Variants in DLGAP2 observed in about 807,000 individuals in gnomAD.
The protein encoded by DLGAP2 is DLG associated protein 2, also known as disks large-associated protein 2.
DLGAP2 carries 26 observed loss-of-function variants against 100.3 expected under a neutral mutation model. That is an observed-to-expected ratio of 0.26 (90% CI 0.19 to 0.36). DLGAP2 has a LOEUF of 0.36. Among genes scored for constraint, DLGAP2 ranks in the 10% least tolerant of loss-of-function variants. The pLI is 1.00. For missense variants in DLGAP2, 1,858 were observed against 1,453.2 expected (o/e 1.28, Z -4.53); for synonymous variants, 886 against 630.1 (o/e 1.41, Z -6.08).
chr8:1,172,345 T>G (rs1015397766), intron 2 of DLGAP2, among the ~76,000 whole-genome samples: 29 of 151,954 alleles, frequency 1.9e-4, no homozygotes, highest in African/African-American at 7.0e-4. Flanking sequence ...CTTTGGTGAA[T>G]CTGACCATTA....
chr8:1,058,935 C>G (rs143839789), intron 2 of DLGAP2, among the ~76,000 whole-genome samples: 75 of 152,320 alleles, frequency 4.9e-4, no homozygotes, highest in African/African-American at 1.6e-3. Context: ...GTGTTAGAAG[C>G]TTGAGGTGGA....
Position 1,668,359 on chromosome 8 carries a change from C to T in DLGAP2, c.1841C>T (p.Pro614Leu). 6.5e-7 allele frequency: 1 copy of T among 1,540,464 alleles called. No homozygotes were observed. Among genetic ancestry groups the T allele is most frequent in the Non-Finnish European group, 8.7e-7 (1 of 1,147,036 alleles). The change falls in exon 9 of 15, where the codon CCC becomes CTC. Residue 614 changes from proline (P) to leucine (L), a missense_variant. Coordinates refer to ENST00000637795, the MANE Select transcript of DLGAP2 (RefSeq NM_001346810.2). The stretch of plus-strand genomic sequence containing the variant: ...TCATATACAAATTACAAGAAAACGC[C>T]CCCACCGGTGCCCCCTCGGACCACC... Reference protein sequence around the residue: ...AVSYTNYKKTPPPVPPRTTSK... With the variant: ...AVSYTNYKKTLPPVPPRTTSK...
chr8:1,013,464 A>T (rs1477659258), intron 2 of DLGAP2, among the ~76,000 whole-genome samples: 1 of 152,122 alleles, frequency 6.6e-6, no homozygotes, highest in East Asian at 1.9e-4. Context: ...AATAGGAGGC[A>T]GATGAGCCAG....
chr8:1,659,260 A>C (rs1047165064), intron 8 of DLGAP2, among the ~76,000 whole-genome samples: 15 of 151,942 alleles, frequency 9.9e-5, no homozygotes, highest in African/African-American at 3.1e-4. Context: ...TTTACTTTTA[A>C]TTATGTGTTT....
chr8:1,699,657 C>G (rs1025874843), intron 14 of DLGAP2, among the ~76,000 whole-genome samples: 11 of 152,058 alleles, frequency 7.2e-5, no homozygotes, highest in Admixed American at 2.6e-4. Flanking sequence ...TCGCTGAGGG[C>G]AGAGCACGCC....
intron 1 of DLGAP2, among the ~76,000 whole-genome samples, chr8:829,827 T>C (rs1796748908): frequency 6.6e-6 from 1 of 152,246 alleles, no homozygotes; most frequent in African/African-American, 2.4e-5. Flanking sequence ...CAGTATATTA[T>C]GGTGCTTTCC....
chr8:753,784 A>T (rs1820851683), intron 1 of DLGAP2: 1 of 152,246 alleles, frequency 6.6e-6, no homozygotes, highest in African/African-American at 2.4e-5. Context: ...AATGAAATAG[A>T]TAAATACTTG....
chr8:1,073,003 CCATTTGTACCTCT>C (rs374719960), intron 2 of DLGAP2, among the ~76,000 whole-genome samples: 84 of 152,288 alleles, frequency 5.5e-4, no homozygotes, highest in African/African-American at 2.0e-3. Context: ...TTATCACTCC[CCATTTGTACCTCT>C]CATTTGTACC....
At chr8:954,152 A>C (rs1286177395) in intron 2 of DLGAP2, among the ~76,000 whole-genome samples, 1 of 152,152 alleles carries the variant, frequency 6.6e-6, no homozygotes, top group African/African-American at 2.4e-5. Flanking sequence ...TGCCTAAGAG[A>C]AATTTTTTTA....
At chr8:1,017,438 AT>A (rs1801485679) in intron 2 of DLGAP2, among the ~76,000 whole-genome samples, 1 of 7,146 alleles carries the variant, frequency 1.4e-4, no homozygotes, top group African/African-American at 1.3e-3. Flanking sequence ...CACTGTGTGT[AT>A]GACCAGGACA....
At chr8:780,276 G>C (rs1821649462) in intron 1 of DLGAP2, among the ~76,000 whole-genome samples, 1 of 152,112 alleles carries the variant, frequency 6.6e-6, no homozygotes, top group Non-Finnish European at 1.5e-5. Context: ...TTTTCACTCA[G>C]CATAATGTCT....
Position 1,242,015 on chromosome 8 carries a change from C to T in DLGAP2, c.74-16836C>T, listed in dbSNP as rs561601041. ...TCTGAGGGAACTCCAGGGAATGGTA[C>T]GCAGGTAGACTTGCTTTGATGATTG... On this transcript the variant is annotated intron_variant, in intron 2 of 14. Transcript: ENST00000637795. Among the ~76,000 whole-genome samples the T allele has an allele frequency of 2.1e-4, 32 of 152,216 alleles. No homozygotes were observed. The South Asian group carries it at 5.8e-3, about 28-fold the overall frequency.
intron 3 of DLGAP2, among the ~76,000 whole-genome samples, chr8:1,329,925 G>C (rs1363445344): frequency 6.6e-6 from 1 of 152,224 alleles, no homozygotes; most frequent in South Asian, 2.1e-4. Flanking sequence ...CCGCCCTGCC[G>C]TGCAGTAGAA....
intron 2 of DLGAP2, among the ~76,000 whole-genome samples, chr8:1,070,008 ATGTTT>A (rs1293254860): frequency 1.3e-5 from 2 of 152,210 alleles, no homozygotes; most frequent in African/African-American, 4.8e-5. Flanking sequence ...AGCTTTGGAA[ATGTTT>A]TGTTCTTGGA....
At chr8:828,775 A>T (rs1034667526) in intron 1 of DLGAP2, among the ~76,000 whole-genome samples, 1 of 152,228 alleles carries the variant, frequency 6.6e-6, no homozygotes, top group Non-Finnish European at 1.5e-5. Context: ...TTACAAAAGT[A>T]TTAATTTGGG....
intron 2 of DLGAP2, among the ~76,000 whole-genome samples, chr8:1,210,909 G>T (rs1798090743): frequency 6.6e-6 from 1 of 151,966 alleles, no homozygotes. Flanking sequence ...TCCCTCCCAG[G>T]ACGCTGCCCT....
chr8:890,837 C>T (rs919815911), intron 1 of DLGAP2, among the ~76,000 whole-genome samples: 2 of 152,150 alleles, frequency 1.3e-5, no homozygotes, highest in African/African-American at 4.8e-5. Flanking sequence ...CGTTTCCCGA[C>T]CCCCCTAAAC....
chr8:937,520 G>T (rs951893692), intron 2 of DLGAP2, among the ~76,000 whole-genome samples: 1 of 152,150 alleles, frequency 6.6e-6, no homozygotes, highest in African/African-American at 2.4e-5. Context: ...ACAGTGGAAA[G>T]ACCCTCAGCT....
At chr8:1,077,477 C>T (rs538470829) in intron 2 of DLGAP2, among the ~76,000 whole-genome samples, 1 of 152,306 alleles carries the variant, frequency 6.6e-6, no homozygotes, top group East Asian at 1.9e-4. Flanking sequence ...CTTGCTGCCA[C>T]TGAGATGTTG....
Sources: allele counts gnomAD v4.1 joint callset (sites outside exome capture counted in the v4.1 genomes callset), GRCh38; gene constraint gnomAD v4.1.1; transcripts MANE v1.5; gene names NCBI Gene and HGNC (gene_info 2026-07-23, HGNC 2026-07-21).